IL1RAPL2: variants seen among roughly 807,000 people sequenced by gnomAD.
IL1RAPL2 encodes X-linked interleukin-1 receptor accessory protein-like 2.
Under a neutral mutation model 44.1 loss-of-function variants are expected in IL1RAPL2, and 3 were observed. The observed-to-expected ratio is 0.07, with a 90% CI of 0.03 to 0.18. The LOEUF (loss-of-function observed/expected upper bound fraction) is 0.18. Among genes scored for constraint, IL1RAPL2 ranks in the 10% least tolerant of loss-of-function variants. The pLI is 1.00. For missense variants in IL1RAPL2, 391 were observed against 496.4 expected (o/e 0.79, Z 2.02); for synonymous variants, 181 against 178.8 (o/e 1.01, Z -0.10).
chrX:104,981,064 TG>T (rs2030428702), intron 2 of IL1RAPL2, among the ~76,000 whole-genome samples: 1 of 106,147 alleles, frequency 9.4e-6, no homozygotes, highest in Non-Finnish European at 2.0e-5. Flanking sequence ...ATTGTGTGTG[TG>T]TGTGTGTGTG....
chrX:105,524,334 T>C (rs897976255), intron 6 of IL1RAPL2, among the ~76,000 whole-genome samples: 1 of 111,180 alleles, frequency 9.0e-6, no homozygotes, highest in Non-Finnish European at 1.9e-5. Flanking sequence ...AAAATAAGTA[T>C]AAATTAAGTC....
chrX:105,533,956 T>C (rs778202929), intron 6 of IL1RAPL2, among the ~76,000 whole-genome samples: 10 of 112,284 alleles, frequency 8.9e-5, no homozygotes, highest in Non-Finnish European at 1.7e-4. Context: ...AACTTCATTG[T>C]GCAGTTTTCC....
chrX:105,288,910 T>C (rs1305990851), intron 5 of IL1RAPL2, among the ~76,000 whole-genome samples: 1 of 111,253 alleles, frequency 9.0e-6, no homozygotes, highest in African/African-American at 3.3e-5. Context: ...CTTATCATGC[T>C]TGTTTTAGTA....
At chrX:105,075,350 T>A (rs1403973724) in intron 2 of IL1RAPL2, among the ~76,000 whole-genome samples, 1 of 111,606 alleles carries the variant, frequency 9.0e-6, no homozygotes, top group Non-Finnish European at 1.9e-5. Flanking sequence ...ATGTTTATTG[T>A]TTTGCATATG....
At chrX:104,687,949 A>G (rs1490301227) in intron 2 of IL1RAPL2, among the ~76,000 whole-genome samples, 2 of 111,260 alleles carry the variant, frequency 1.8e-5, no homozygotes, top group Non-Finnish European at 3.8e-5. Context: ...ACAACAAAAA[A>G]CCAAAACTGT....
At chrX:105,760,492 C>T (rs937796037) in intron 10 of IL1RAPL2, among the ~76,000 whole-genome samples, 4 of 111,740 alleles carry the variant, frequency 3.6e-5, no homozygotes, top group African/African-American at 1.3e-4. Context: ...TAAATGTGTC[C>T]CATTCCCTAC....
chrX:105,324,632 A>G (rs193193328), intron 5 of IL1RAPL2, among the ~76,000 whole-genome samples: 10 of 111,999 alleles, frequency 8.9e-5, no homozygotes, highest in African/African-American at 3.2e-4. Flanking sequence ...GCAATTTCAC[A>G]TACATTGTTC....
chrX:105,246,293 A>T (rs1235576637), intron 4 of IL1RAPL2, among the ~76,000 whole-genome samples: 1 of 112,367 alleles, frequency 8.9e-6, no homozygotes, highest in Non-Finnish European at 1.9e-5. Flanking sequence ...TAATATTTTC[A>T]TGGTACATAA....
rs1031839089 is a variant in IL1RAPL2, at chrX:104,676,304, A to G, written c.82+17309A>G. Among the ~76,000 whole-genome samples, 3 of 111,326 alleles carry G rather than the reference A, an allele frequency of 2.7e-5. No individual in the cohort carries two copies. In the Admixed American group the frequency reaches 2.9e-4, roughly 11 times the overall value. On this transcript the variant is annotated intron_variant, in intron 2 of 10. Transcript: ENST00000372582. ...TTTTAGGGCAGGGCTGGTGGTGACAAAATCTCTCAGCCTTTGCTTGTCTGT... is the reference window on the plus strand; with the variant it reads ...TTTTAGGGCAGGGCTGGTGGTGACAGAATCTCTCAGCCTTTGCTTGTCTGT...
intron 6 of IL1RAPL2, among the ~76,000 whole-genome samples, chrX:105,506,400 T>G (rs759653596): frequency 1.8e-5 from 2 of 111,404 alleles, no homozygotes; most frequent in African/African-American, 6.5e-5. Flanking sequence ...GCCTTGATGC[T>G]GACCTTTGAC....
At chrX:104,681,834 T>A (rs892607681) in intron 2 of IL1RAPL2, among the ~76,000 whole-genome samples, 1 of 112,690 alleles carries the variant, frequency 8.9e-6, no homozygotes, top group Non-Finnish European at 1.9e-5. Flanking sequence ...CTCTTCATTT[T>A]CATTCTTAAT....
chrX:104,668,307 T>TTTTTTA (rs200698131), intron 2 of IL1RAPL2, among the ~76,000 whole-genome samples: 2,836 of 108,510 alleles, frequency 0.026, 121 homozygotes, highest in African/African-American at 0.093. Flanking sequence ...CTAGTGTTTC[T>TTTTTTA]TTTTTATTTT....
chrX:105,034,446 A>C (rs1025828656), intron 2 of IL1RAPL2, among the ~76,000 whole-genome samples: 1 of 112,401 alleles, frequency 8.9e-6, no homozygotes, highest in Admixed American at 9.4e-5. Flanking sequence ...TCTTACAGAC[A>C]GGACCCTCAG....
At chrX:104,876,589 G>A (rs1922904287) in intron 2 of IL1RAPL2, among the ~76,000 whole-genome samples, 1 of 103,729 alleles carries the variant, frequency 9.6e-6, no homozygotes, top group East Asian at 3.1e-4. Flanking sequence ...TTCTATTATT[G>A]TTCCTAGTGG....
chrX:104,754,396 A>C (rs1932310412), intron 2 of IL1RAPL2, among the ~76,000 whole-genome samples: 1 of 111,890 alleles, frequency 8.9e-6, no homozygotes, highest in African/African-American at 3.2e-5. Context: ...TAAAATTGGT[A>C]ATCAAAAACC....
chrX:105,767,041 A>G lies in IL1RAPL2; in HGVS notation c.1441A>G (p.Arg481Gly). The stretch of plus-strand genomic sequence containing the variant: ...CGTGCTAACTCCAGACTATATTCTC[A>G]GACGGGGATGGAGTATTTTCGAACT... ...IIVLTPDYIL[R>G]RGWSIFELES... The change falls in exon 11 of 11, where the codon AGA (arginine) becomes GGA (glycine). Residue 481 changes from arginine (R) to glycine (G), a missense_variant. Arg to Gly is a moderately radical substitution (Grantham distance 125). Around this residue, in one of 2 missense-constraint regions of IL1RAPL2, gnomAD observed 232 missense variants for 244.8 expected, o/e 0.95. Transcript: ENST00000372582. The G allele has an allele frequency of 1.7e-6, 2 of 1,207,204 alleles. No individual in the cohort carries two copies. Among genetic ancestry groups the G allele is most frequent in the Non-Finnish European group, 2.2e-6 (2 of 891,336 alleles).
chrX:105,222,204 G>A (rs1205549877), intron 3 of IL1RAPL2, among the ~76,000 whole-genome samples: 3 of 111,669 alleles, frequency 2.7e-5, no homozygotes, highest in Non-Finnish European at 1.9e-5. Context: ...TGATTTTGGC[G>A]TTTTAAGTTA....
chrX:104,962,974 C>T (rs2030037253), intron 2 of IL1RAPL2, among the ~76,000 whole-genome samples: 1 of 111,533 alleles, frequency 9.0e-6, no homozygotes, highest in African/African-American at 3.3e-5. Flanking sequence ...TGTTAGTGGT[C>T]GTCAATATTT....
intron 2 of IL1RAPL2, among the ~76,000 whole-genome samples, chrX:104,701,125 G>A (rs1007079870): frequency 8.1e-5 from 9 of 111,448 alleles, no homozygotes; most frequent in African/African-American, 2.6e-4. Flanking sequence ...ACATTTTATT[G>A]TGTTCATCTT....
Sources: allele counts gnomAD v4.1 joint callset (sites outside exome capture counted in the v4.1 genomes callset), GRCh38; gene constraint gnomAD v4.1.1; regional missense constraint gnomAD v4.1.1; transcripts MANE v1.5; gene names NCBI Gene and HGNC (gene_info 2026-07-23, HGNC 2026-07-21).